OR51B5: variants seen among roughly 807,000 people sequenced by gnomAD.
OR51B5 encodes the protein olfactory receptor family 51 subfamily B member 5.
For missense variants in OR51B5, 456 were observed against 374.6 expected, an observed-to-expected ratio of 1.22 and a Z score of -1.79; for synonymous variants, 186 against 144.8, an observed-to-expected ratio of 1.28 and a Z score of -2.04.
At chr11:5,387,734 GT>G (rs879281272) in intron 1 of OR51B5, among the ~76,000 whole-genome samples, 2 of 8,244 alleles carry the variant, frequency 2.4e-4, no homozygotes, top group Non-Finnish European at 8.8e-4. Context: ...TTCCTTGAAT[GT>G]TTTTCCCTAA....
At chr11:5,353,908 G>A (rs548278485) in intron 1 of OR51B5, among the ~76,000 whole-genome samples, 3 of 152,176 alleles carry the variant, frequency 2.0e-5, no homozygotes, top group African/African-American at 4.8e-5. Flanking sequence ...TTCCAGGCTA[G>A]TAAATGATCT....
At chr11:5,377,325 C>G (rs1849542969) in intron 1 of OR51B5, among the ~76,000 whole-genome samples, 1 of 152,092 alleles carries the variant, frequency 6.6e-6, no homozygotes, top group African/African-American at 2.4e-5. Flanking sequence ...ATAATAAGAG[C>G]TATCTATGAC....
intron 1 of OR51B5, among the ~76,000 whole-genome samples, chr11:5,500,825 C>A (rs1303234437): frequency 1.4e-5 from 2 of 148,132 alleles, no homozygotes; most frequent in Non-Finnish European, 3.0e-5. Flanking sequence ...TTGCCTCCAC[C>A]TCCCTGAATA....
intron 1 of OR51B5, among the ~76,000 whole-genome samples, chr11:5,417,717 C>A (rs2133756497): frequency 6.6e-6 from 1 of 151,588 alleles, no homozygotes; most frequent in South Asian, 2.1e-4. Context: ...ATCAAAACCA[C>A]AATGAGATAT....
upstream of OR51B5, among the ~76,000 whole-genome samples, chr11:5,343,808 ATG>A (rs1564912603): frequency 2.0e-5 from 3 of 152,238 alleles, no homozygotes; most frequent in Admixed American, 6.5e-5. Context: ...AAAAAAAATT[ATG>A]TAAACTACAA....
At chr11:5,368,173 C>G (rs1289743105) in intron 1 of OR51B5, among the ~76,000 whole-genome samples, 1 of 152,174 alleles carries the variant, frequency 6.6e-6, no homozygotes, top group Non-Finnish European at 1.5e-5. Flanking sequence ...CATGAAAAAT[C>G]CTGTTAAGTG....
intron 1 of OR51B5, among the ~76,000 whole-genome samples, chr11:5,438,748 G>T (rs946430109): frequency 3.9e-5 from 6 of 152,192 alleles, no homozygotes; most frequent in African/African-American, 1.4e-4. Flanking sequence ...TGTATTAAAC[G>T]TCATTTGTGG....
rs539143282 is a variant in OR51B5, at chr11:5,356,573, C to A, written n.85-9663G>T. 1.2e-4 allele frequency among the ~76,000 whole-genome samples: 17 copies of A among 143,570 alleles called. 1 individual carries two copies. Among genetic ancestry groups the A allele is most frequent in the African/African-American group, 3.1e-4 (12 of 38,098 alleles). 94.2% of individuals were successfully genotyped at this position (143,570 alleles called of 152,430 possible). A position where few individuals can be genotyped will look rare whatever the true frequency, so the allele number is the denominator to read the frequency against. ...CTCTGCAGGATATTATCCAGGAGAA[C>A]TTCCCCAATCTAGCAAGGCAGGTCA... On this transcript the variant is annotated intron_variant and non_coding_transcript_variant, in intron 1 of 4. Transcript: ENST00000415970.
intron 1 of OR51B5, among the ~76,000 whole-genome samples, chr11:5,485,716 C>T (rs1851488583): frequency 6.6e-6 from 1 of 152,140 alleles, no homozygotes; most frequent in African/African-American, 2.4e-5. Context: ...AAATGTTCTT[C>T]CTTCTGAGAT....
chr11:5,488,543 G>T, intron 1 of OR51B5: 1 of 600,358 alleles, frequency 1.7e-6, no homozygotes, highest in South Asian at 2.1e-5. Context: ...ATTATATGTG[G>T]TAGTCATTTC....
At chr11:5,362,433 T>C (rs1220231727) in intron 1 of OR51B5, among the ~76,000 whole-genome samples, 3 of 152,228 alleles carry the variant, frequency 2.0e-5, no homozygotes, top group African/African-American at 7.2e-5. Context: ...CATTAGTTGT[T>C]GAGCCTTATA....
chr11:5,357,604 T>TA (rs1849215288), intron 1 of OR51B5, among the ~76,000 whole-genome samples: 1 of 151,816 alleles, frequency 6.6e-6, no homozygotes, highest in African/African-American at 2.4e-5. Context: ...TTAACAAGGA[T>TA]ATCCAGGAAT....
intron 1 of OR51B5, chr11:5,403,558 T>C (rs1331026784): frequency 2.2e-6 from 1 of 463,914 alleles, no homozygotes; most frequent in South Asian, 1.6e-5. Context: ...CCAAAAACCA[T>C]AGTAGGAAGA....
intron 1 of OR51B5, among the ~76,000 whole-genome samples, chr11:5,463,239 A>G (rs1006429122): frequency 2.0e-5 from 3 of 152,230 alleles, no homozygotes; most frequent in African/African-American, 7.2e-5. Context: ...GACAATAAAT[A>G]TTTGCACAAA....
At chr11:5,340,911 ATGAATGAT>A (rs1167558226), downstream of OR51B5, 3 of 152,318 alleles carry the variant, frequency 2.0e-5, no homozygotes, top group Admixed American at 2.0e-4. Flanking sequence ...GTTTGGTTTT[ATGAATGAT>A]TGAAAACAGG....
At chr11:5,496,893 G>A (rs145187722) in intron 1 of OR51B5, among the ~76,000 whole-genome samples, 293 of 152,264 alleles carry the variant, frequency 1.9e-3, no homozygotes, top group African/African-American at 6.7e-3. Flanking sequence ...TCCTCCTCCC[G>A]AGGATAGTCC....
At chr11:5,342,010 G>A (rs1848902769), downstream of OR51B5, among the ~76,000 whole-genome samples, 2 of 152,190 alleles carry the variant, frequency 1.3e-5, no homozygotes, top group South Asian at 4.1e-4. Context: ...ATTATAATTT[G>A]ATGGAGGGAG....
At chr11:5,377,536 C>G (rs534013192) in intron 1 of OR51B5, among the ~76,000 whole-genome samples, 1 of 151,964 alleles carries the variant, frequency 6.6e-6, no homozygotes, top group Non-Finnish European at 1.5e-5. Context: ...TGTTTGCAGA[C>G]GACATGATTG....
At chr11:5,381,522 T>G (rs899456182) in intron 1 of OR51B5, among the ~76,000 whole-genome samples, 3 of 152,190 alleles carry the variant, frequency 2.0e-5, no homozygotes, top group Non-Finnish European at 4.4e-5. Flanking sequence ...GTGACCCTAT[T>G]TTGGAAACTT....
Sources: allele counts gnomAD v4.1 joint callset (sites outside exome capture counted in the v4.1 genomes callset), GRCh38; gene constraint gnomAD v4.1.1; transcripts MANE v1.5; gene names NCBI Gene and HGNC (gene_info 2026-07-23, HGNC 2026-07-21).